The following GREB1 variants were observed in gnomAD, a reference collection of about 807,000 sequenced individuals.
The protein encoded by GREB1 is growth regulating estrogen receptor binding 1.
In GREB1, 106 loss-of-function variants were observed where a neutral mutation model predicts 200.7. The observed-to-expected ratio is 0.53, with a 90% confidence interval of 0.45 to 0.62. The LOEUF is 0.62. GREB1 is among the 20% of genes least tolerant of loss of function. The pLI is 0.00. For synonymous variants in GREB1, 1,132 were observed against 1,092.4 expected (o/e 1.04, Z -0.72); for missense variants, 2,243 against 2,556.8 (o/e 0.88, Z 2.65).
At chr2:11,527,631 G>T (rs1170632449) in intron 1 of GREB1, among the ~76,000 whole-genome samples, 1 of 152,210 alleles carries the variant, frequency 6.6e-6, no homozygotes, top group Non-Finnish European at 1.5e-5. Flanking sequence ...CAAATAGCAA[G>T]ACTGCACTCA....
chr2:11,619,718 T>A (rs1683842090), intron 22 of GREB1, among the ~76,000 whole-genome samples: 1 of 152,186 alleles, frequency 6.6e-6, no homozygotes, highest in Non-Finnish European at 1.5e-5. Context: ...GATTTTCTGG[T>A]TTCTCTTATT....
intron 1 of GREB1, among the ~76,000 whole-genome samples, chr2:11,516,416 C>T (rs1037004404): frequency 6.6e-6 from 1 of 151,972 alleles, no homozygotes; most frequent in Non-Finnish European, 1.5e-5. Flanking sequence ...ACTGTCATAA[C>T]TGACTTCTCC....
chr2:11,544,054 C>A (rs1326809880), intron 1 of GREB1, among the ~76,000 whole-genome samples: 1 of 152,076 alleles, frequency 6.6e-6, no homozygotes, highest in African/African-American at 2.4e-5. Context: ...TGGGACTCAG[C>A]GCTGTTGTTG....
intron 17 of GREB1, among the ~76,000 whole-genome samples, chr2:11,607,428 A>ATG (rs201217755): frequency 0.012 from 1,259 of 104,846 alleles, 19 homozygotes; most frequent in African/African-American, 0.034. Context: ...CAGTATATGT[A>ATG]TGTGTGTGTG....
intron 4 of GREB1, among the ~76,000 whole-genome samples, chr2:11,569,145 C>T (rs989733682): frequency 5.9e-5 from 9 of 151,984 alleles, no homozygotes; most frequent in Admixed American, 2.6e-4. Context: ...GTTTATTGCC[C>T]GGTAATTTAT....
chr2:11,503,033 G>A (rs141490923), intron 1 of GREB1, among the ~76,000 whole-genome samples: 134 of 152,316 alleles, frequency 8.8e-4, no homozygotes, highest in Middle Eastern at 3.4e-3. Context: ...TGCTGCAGAG[G>A]TGCCTGGTAA....
intron 9 of GREB1, chr2:11,588,092 G>GT (rs1680350640): frequency 2.4e-6 from 1 of 413,790 alleles, no homozygotes; most frequent in African/African-American, 2.2e-5. Flanking sequence ...CGGGTGTGGT[G>GT]GTGATGCGCA....
rs77006629 is a variant in GREB1, at chr2:11,534,776, C to T, written c.-162+522C>T. On this transcript the variant is annotated intron_variant, in intron 1 of 32. Coordinates refer to ENST00000381486, the MANE Select transcript of GREB1 (RefSeq NM_014668.4). ...GGTTGTTCTCTGATTGCTTTGGTGT[C>T]TTTTCTTCTGTTTCTTCTCCTGGAT... 3.8e-3 allele frequency among the ~76,000 whole-genome samples: 582 copies of T among 152,274 alleles called. 3 individuals carry two copies. The highest frequency in any genetic ancestry group is 0.01 in the Middle Eastern group (3 of 294).
rs1380010302 is a variant in GREB1 at position 11,595,361 on chromosome 2, T to C, written c.1807T>C (p.Phe603Leu). ...GAAGGTAGACTCGCTGGGGGCCTTC[T>C]TTAGCACCCTCTGTCCAGGTAGGCT... ...TGKVDSLGAF[F>L]STLCPEGDID... The change falls in exon 12 of 33, where the codon TTT (phenylalanine) becomes CTT (leucine). Residue 603 changes from phenylalanine (F) to leucine (L), a missense_variant. Physicochemically the swap from Phe to Leu is conservative, Grantham distance 22. Transcript: ENST00000381486. 4 of 1,613,746 alleles carry C rather than the reference T, an allele frequency of 2.5e-6. No homozygotes were observed. Among genetic ancestry groups the C allele is most frequent in the South Asian group, 1.1e-5 (1 of 91,056 alleles).
chr2:11,526,243 CTG>C (rs1254257673), intron 1 of GREB1, among the ~76,000 whole-genome samples: 2 of 152,168 alleles, frequency 1.3e-5, no homozygotes, highest in Non-Finnish European at 2.9e-5. Flanking sequence ...TCATGAGACT[CTG>C]TGGCTCTAAG....
intron 30 of GREB1, among the ~76,000 whole-genome samples, chr2:11,636,597 C>T (rs991151573): frequency 2.0e-5 from 3 of 152,218 alleles, no homozygotes; most frequent in African/African-American, 4.8e-5. Flanking sequence ...AGTTAAGGAC[C>T]ATCGGGAGAA....
intron 1 of GREB1, among the ~76,000 whole-genome samples, chr2:11,511,441 A>C (rs985117295): frequency 2.6e-5 from 4 of 152,168 alleles, no homozygotes; most frequent in African/African-American, 9.7e-5. Context: ...TAGGTGGGGT[A>C]AACTTTGGGC....
At chr2:11,543,113 G>C (rs1359876812) in intron 1 of GREB1, among the ~76,000 whole-genome samples, 1 of 152,086 alleles carries the variant, frequency 6.6e-6, no homozygotes, top group Non-Finnish European at 1.5e-5. Flanking sequence ...AGAGGTGACT[G>C]GAATAGTCCC....
At chr2:11,491,563 G>T (rs1319384313) in intron 1 of GREB1, among the ~76,000 whole-genome samples, 2 of 152,202 alleles carry the variant, frequency 1.3e-5, no homozygotes, top group Admixed American at 1.3e-4. Flanking sequence ...AGCATGTTTT[G>T]TCTCTAGCTG....
intron 1 of GREB1, among the ~76,000 whole-genome samples, chr2:11,528,780 A>G (rs921876387): frequency 5.3e-5 from 8 of 152,172 alleles, no homozygotes; most frequent in African/African-American, 1.7e-4. Context: ...TTTGCTACCT[A>G]TAGATGTTTA....
intron 1 of GREB1, among the ~76,000 whole-genome samples, chr2:11,537,152 T>C (rs1674330408): frequency 6.6e-6 from 1 of 151,976 alleles, no homozygotes. Context: ...TTAGTAGACA[T>C]GGGGTTTCAC....
At chr2:11,505,111 T>C (rs905191815) in intron 1 of GREB1, among the ~76,000 whole-genome samples, 4 of 152,108 alleles carry the variant, frequency 2.6e-5, no homozygotes, top group African/African-American at 9.7e-5. Context: ...TTTGCATTTT[T>C]AGTAGAGACG....
chr2:11,573,986 C>T lies in GREB1; in HGVS notation c.455-2367C>T, dbSNP rs533426212. Among the ~76,000 whole-genome samples the T allele has an allele frequency of 2.0e-5, 3 of 152,342 alleles. No homozygotes were observed. The South Asian group carries it at 6.2e-4, about 32-fold the overall frequency. ...GTTCATCCATCTTTTTAACACCAGGCTTAGAAGCCCTTCCAGGGAGCTCTG... is the reference window on the plus strand; with the variant it reads ...GTTCATCCATCTTTTTAACACCAGGTTTAGAAGCCCTTCCAGGGAGCTCTG... On this transcript the variant is annotated intron_variant, in intron 4 of 32. Transcript: ENST00000381486.
At chr2:11,484,667 C>G (rs1234047233) in intron 1 of GREB1, among the ~76,000 whole-genome samples, 3 of 151,782 alleles carry the variant, frequency 2.0e-5, no homozygotes, top group African/African-American at 7.3e-5. Context: ...TGCCTGTAGT[C>G]CTAGCACTTG....
Sources: gnomAD v4.1 joint callset for allele counts (sites outside exome capture counted in the v4.1 genomes callset) on GRCh38, gnomAD v4.1.1 for gene constraint, MANE v1.5 for transcripts, NCBI Gene and HGNC (gene_info 2026-07-23, HGNC 2026-07-21) for gene names.